Variants in HMCN1 observed in about 807,000 individuals in gnomAD.
HMCN1 encodes hemicentin 1, also known as hemicentin-1.
In HMCN1, 321 loss-of-function variants were observed where a neutral mutation model predicts 625.9. That is an observed-to-expected ratio of 0.51 (90% CI 0.47 to 0.56). HMCN1 has a LOEUF of 0.56. HMCN1 is among the 20% of genes least tolerant of loss of function. HMCN1 has a pLI of 0.00. For missense variants in HMCN1, 6,588 were observed against 6,887.3 expected, an observed-to-expected ratio of 0.96 and a Z score of 1.54; for synonymous variants, 2,425 against 2,417.6, an observed-to-expected ratio of 1.00 and a Z score of -0.09.
At chr1:186,158,450 T>G (rs1410164745) in intron 97 of HMCN1, among the ~76,000 whole-genome samples, 2 of 152,192 alleles carry the variant, frequency 1.3e-5, no homozygotes, top group Admixed American at 6.5e-5. Context: ...TTAGATCCCA[T>G]TTGTCAATTT....
At chr1:185,827,181 A>G (rs1043575425) in intron 1 of HMCN1, among the ~76,000 whole-genome samples, 1 of 151,042 alleles carries the variant, frequency 6.6e-6, no homozygotes, top group Non-Finnish European at 1.5e-5. Context: ...CAAAAAAAAA[A>G]AAAAAAAGAA....
intron 11 of HMCN1, among the ~76,000 whole-genome samples, chr1:185,939,781 A>G (rs1667994748): frequency 6.6e-6 from 1 of 151,956 alleles, no homozygotes; most frequent in Non-Finnish European, 1.5e-5. Context: ...TTGAAAAAAT[A>G]AAAGACAGTT....
At chr1:185,741,262 G>A (rs573039533) in intron 1 of HMCN1, among the ~76,000 whole-genome samples, 16 of 152,228 alleles carry the variant, frequency 1.1e-4, no homozygotes, top group East Asian at 1.9e-4. Context: ...TAGCTACACT[G>A]AATGGACTAA....
At chr1:185,780,192 G>T (rs531456340) in intron 1 of HMCN1, among the ~76,000 whole-genome samples, 1 of 152,312 alleles carries the variant, frequency 6.6e-6, no homozygotes, top group South Asian at 2.1e-4. Flanking sequence ...TTTGTGCATT[G>T]ATTTTGTATC....
Position 186,076,520 on chromosome 1 carries a change from A to G in HMCN1, c.8383A>G (p.Ile2795Val). The G allele has an allele frequency of 6.2e-7, 1 of 1,613,760 alleles. No homozygotes were observed. Residue 2795 changes from isoleucine (I) to valine (V), a missense_variant, in exon 54 of 107, where the codon ATT (isoleucine) becomes GTT (valine). Physicochemically the swap from Ile to Val is conservative, Grantham distance 29. Coordinates refer to ENST00000271588, the MANE Select transcript of HMCN1 (RefSeq NM_031935.3). ...EAKDVIINNP[I>V]SLYCETNAAP... ...CAAAGATGTGATCATCAACAATCCC[A>G]TTTCTCTTTACTGTGAGACAAATGC...
chr1:186,119,769 C>G lies in HMCN1; in HGVS notation c.11981C>G (p.Pro3994Arg), dbSNP rs759516971. ...GAGCCTCCAGTCATTCAGCCCCAAC[C>G]AAGTGAACTACACGTCATTCTGAAC... The part of the protein sequence containing the change: ...VHEPPVIQPQ[P>R]SELHVILNNP... The change falls in exon 79 of 107, where the codon CCA becomes CGA. Residue 3994 changes from proline to arginine, a missense_variant. Physicochemically the swap from Pro to Arg is moderately radical, Grantham distance 103. This residue lies in a region of HMCN1 where 4,628 missense variants were observed against 4,853.1 expected (regional missense o/e 0.95). Coordinates refer to ENST00000271588, the MANE Select transcript of HMCN1 (RefSeq NM_031935.3). 3.9e-5 allele frequency: 63 copies of G among 1,613,966 alleles called. No individual in the cohort carries two copies. Among genetic ancestry groups the G allele is most frequent in the Non-Finnish European group, 5.1e-5 (60 of 1,179,924 alleles).
In HMCN1 at chr1:185,891,479, T is replaced by A. The variant is rs1016740785; in HGVS notation, c.622-17858T>A. ...TGTTCCTTTCATGTTTAGTGCTTCC[T>A]TCAGGAGCTCTTTTAGGGCAGGCCT... is the stretch of plus-strand genomic sequence containing the variant. On this transcript the variant is annotated intron_variant, in intron 4 of 106. Transcript: ENST00000271588. Among the ~76,000 whole-genome samples, 3 of 148,266 alleles carry A rather than the reference T, an allele frequency of 2.0e-5. 1 individual carries two copies. The highest frequency in any genetic ancestry group is 8.0e-5 in the African/African-American group (3 of 37,648).
intron 11 of HMCN1, among the ~76,000 whole-genome samples, chr1:185,951,501 C>T (rs373621758): frequency 0.019 from 2,710 of 145,552 alleles, 14 homozygotes; most frequent in African/African-American, 0.063. Context: ...GAGAGTTACC[C>T]GAAGCTCAGT....
intron 40 of HMCN1, among the ~76,000 whole-genome samples, chr1:186,042,696 G>A (rs768615152): frequency 6.6e-5 from 10 of 152,248 alleles, no homozygotes; most frequent in Non-Finnish European, 1.2e-4. Flanking sequence ...CATGCAGCAA[G>A]CTGCTGAAAA....
intron 65 of HMCN1, 26 bp from the exon 66 acceptor site, chr1:186,093,458 CCT>C (rs752928992): frequency 1.1e-5 from 17 of 1,607,912 alleles, no homozygotes; most frequent in Non-Finnish European, 1.7e-6. Context: ...ATCCCTCTTC[CCT>C]CTCTCTCACT....
Position 186,074,803 on chromosome 1 carries a change from G to T in HMCN1, c.8202G>T (p.Glu2734Asp), listed in dbSNP as rs1311868737. The T allele has an allele frequency of 6.2e-7, 1 of 1,612,986 alleles. No homozygotes were observed. The highest frequency in any genetic ancestry group is 1.7e-5 in the Admixed American group (1 of 59,932). Reference protein sequence around the residue: ...AANGHTLQIKEAQISDTGRYT... With the variant: ...AANGHTLQIKDAQISDTGRYT... Reference sequence around the variant, plus strand: ...ATGGACACACACTTCAAATAAAGGAGGCTCAAATATCAGACACCGGACGAT... The same window carrying T: ...ATGGACACACACTTCAAATAAAGGATGCTCAAATATCAGACACCGGACGAT... The change falls in exon 53 of 107, where the codon GAG (glutamate) becomes GAT (aspartate). Residue 2734 changes from glutamate to aspartate, a missense_variant. Physicochemically the swap from Glu to Asp is conservative, Grantham distance 45. This residue lies in a region of HMCN1 where 4,628 missense variants were observed against 4,853.1 expected (regional missense o/e 0.95). Coordinates refer to ENST00000271588, the MANE Select transcript of HMCN1 (RefSeq NM_031935.3).
chr1:186,067,344 C>T (rs183429562), intron 49 of HMCN1, among the ~76,000 whole-genome samples: 151 of 152,236 alleles, frequency 9.9e-4, no homozygotes, highest in African/African-American at 2.4e-3. Context: ...TGAGTTCATC[C>T]TCCCGATATA....
chr1:186,039,906 A>G (rs201288967), intron 39 of HMCN1, 27 bp downstream of exon 39: 55 of 1,603,098 alleles, frequency 3.4e-5, no homozygotes, highest in Middle Eastern at 3.3e-4. Flanking sequence ...CTTTGGTGAC[A>G]TTTACCACCT....
At chr1:186,122,880 C>G in intron 80 of HMCN1, 71 bp from the exon 81 acceptor site, 1 of 1,460,442 alleles carries the variant, frequency 6.8e-7, no homozygotes, top group Non-Finnish European at 9.5e-7. Flanking sequence ...TAGAGCAGTA[C>G]TGTAGTATGT....
At chr1:185,956,183 A>G (rs1032304959) in intron 11 of HMCN1, among the ~76,000 whole-genome samples, 3 of 151,732 alleles carry the variant, frequency 2.0e-5, no homozygotes, top group South Asian at 2.1e-4. Flanking sequence ...CACTTCTGAC[A>G]TCAGATATGT....
chr1:185,869,837 C>T (rs145282582), intron 4 of HMCN1, among the ~76,000 whole-genome samples: 1 of 152,182 alleles, frequency 6.6e-6, no homozygotes, highest in Non-Finnish European at 1.5e-5. Flanking sequence ...GACATAAGAA[C>T]TTCAAGGAAG....
intron 1 of HMCN1, among the ~76,000 whole-genome samples, chr1:185,804,439 G>A (rs10489716): frequency 0.091 from 13,828 of 151,988 alleles, 2,028 homozygotes; most frequent in African/African-American, 0.31. Context: ...TACCTTGAGA[G>A]TGCTTCACTG....
chr1:185,995,342 G>A (rs1196652726), intron 24 of HMCN1, among the ~76,000 whole-genome samples: 5 of 152,042 alleles, frequency 3.3e-5, no homozygotes, highest in African/African-American at 1.2e-4. Flanking sequence ...AACAATCCTA[G>A]ATGATGCCCC....
intron 2 of HMCN1, among the ~76,000 whole-genome samples, chr1:185,853,267 A>G (rs956072798): frequency 1.3e-5 from 2 of 152,164 alleles, no homozygotes; most frequent in Admixed American, 1.3e-4. Context: ...GGCCCACCAA[A>G]AATTACCAAG....
Sources: gnomAD v4.1 joint callset for allele counts (sites outside exome capture counted in the v4.1 genomes callset) on GRCh38, gnomAD v4.1.1 for gene constraint, gnomAD v4.1.1 regional missense constraint, MANE v1.5 for transcripts, NCBI Gene and HGNC (gene_info 2026-07-23, HGNC 2026-07-21) for gene names.